Variants in PEAK1 observed in about 807,000 individuals in gnomAD.
The protein encoded by PEAK1 is pseudopodium enriched atypical kinase 1, also known as inactive tyrosine-protein kinase PEAK1.
In PEAK1, 54 loss-of-function variants were observed where a neutral mutation model predicts 124.7. That is an observed-to-expected ratio of 0.43 (90% CI 0.35 to 0.54). The LOEUF (loss-of-function observed/expected upper bound fraction) is 0.54. Among genes scored for constraint, PEAK1 ranks in the 20% least tolerant of loss-of-function variants. The probability of loss-of-function intolerance (pLI) is 0.01; values close to 1 mark genes in which losing one functional copy is unlikely to be tolerated. For synonymous variants in PEAK1, 719 were observed against 760.0 expected, an observed-to-expected ratio of 0.95 and a Z score of 0.89; for missense variants, 2,046 against 2,134.5, an observed-to-expected ratio of 0.96 and a Z score of 0.82.
intron 2 of PEAK1, among the ~76,000 whole-genome samples, chr15:77,314,700 T>C (rs1425758305): frequency 6.6e-6 from 1 of 152,156 alleles, no homozygotes; most frequent in Non-Finnish European, 1.5e-5. Context: ...TGAATAACAG[T>C]AGTCCTCTGG....
At chr15:77,353,059 T>C (rs889401463) in intron 2 of PEAK1, 96 of 919,116 alleles carry the variant, frequency 1.0e-4, no homozygotes, top group Middle Eastern at 5.5e-4. Context: ...CTGAGGCCAA[T>C]TTCCATCCAG....
chr15:77,102,569 A>G (rs1036627106), exon 7 of PEAK1: 2 of 152,140 alleles, frequency 1.3e-5, no homozygotes, highest in Non-Finnish European at 2.9e-5. Flanking sequence ...TTGGATTTGT[A>G]TTAGCTTATA....
intron 2 of PEAK1, among the ~76,000 whole-genome samples, chr15:77,345,253 G>A (rs544801729): frequency 6.6e-6 from 1 of 152,270 alleles, no homozygotes; most frequent in Non-Finnish European, 1.5e-5. Flanking sequence ...GTGAAAGGGT[G>A]TTAAATCTTG....
intron 1 of PEAK1, among the ~76,000 whole-genome samples, chr15:77,374,382 CAG>C (rs376904009): frequency 5.9e-5 from 9 of 152,086 alleles, no homozygotes; most frequent in African/African-American, 1.9e-4. Context: ...AACGTAAAAT[CAG>C]AGTTTATCTT....
intron 1 of PEAK1, among the ~76,000 whole-genome samples, chr15:77,415,915 T>C (rs886187355): frequency 3.9e-5 from 6 of 152,192 alleles, no homozygotes; most frequent in African/African-American, 1.2e-4. Flanking sequence ...TCCAAGATTC[T>C]CTAAATCCCA....
intron 6 of PEAK1, among the ~76,000 whole-genome samples, chr15:77,242,165 T>C (rs2060386679): frequency 6.6e-6 from 1 of 152,144 alleles, no homozygotes; most frequent in Non-Finnish European, 1.5e-5. Flanking sequence ...TTTGCACACA[T>C]CTTTATTTCC....
rs150934980 is a variant in PEAK1 at position 77,400,350 on chromosome 15, A to T, written c.-666+19656T>A. Among the ~76,000 whole-genome samples the T allele has an allele frequency of 5.1e-4, 77 of 152,306 alleles. No homozygotes were observed. In the East Asian group the frequency reaches 0.014, roughly 27 times the overall value. ...CAAAGGAAATCAGTATATCAAAGAC[A>T]TATCTCCACTCCCATGTTTACTGCA... is the stretch of plus-strand genomic sequence containing the variant. On this transcript the variant is annotated intron_variant, in intron 1 of 9. Coordinates refer to ENST00000682557, the MANE Select transcript of PEAK1 (RefSeq NM_001385026.1).
At position 77,313,652 on chromosome 15, in the gene PEAK1, ATGTGTGTGTG is replaced by A. The variant is rs775220459; in HGVS notation, c.-602-27158_-602-27149del. On this transcript the variant is annotated intron_variant, in intron 2 of 9. Coordinates refer to ENST00000682557, the MANE Select transcript of PEAK1 (RefSeq NM_001385026.1). ...CAGTAATGTATGTATGTATGTATGT[ATGTGTGTGTG>A]TGTGTGTGTGTGTGTGTGTGTGTGT... 4.1e-4 allele frequency among the ~76,000 whole-genome samples: 37 copies of A among 90,586 alleles called. No homozygotes were observed. The East Asian group carries it at 7.8e-3, about 19-fold the overall frequency. The allele number at this position is 90,586 out of a possible 152,430, so 59.4% of individuals were successfully genotyped here.
At chr15:77,352,182 G>A in intron 2 of PEAK1, 1 of 982,236 alleles carries the variant, frequency 1.0e-6, no homozygotes, top group Non-Finnish European at 1.2e-6. Context: ...GCAGCCTCCA[G>A]CCTGGGTGAC....
At chr15:77,140,007 CT>C (rs1310855646) in intron 8 of PEAK1, among the ~76,000 whole-genome samples, 1 of 151,916 alleles carries the variant, frequency 6.6e-6, no homozygotes, top group Non-Finnish European at 1.5e-5. Flanking sequence ...ATAACAACTT[CT>C]TGAATGAAGG....
At chr15:77,226,778 C>T (rs1356550530) in intron 6 of PEAK1, among the ~76,000 whole-genome samples, 1 of 152,132 alleles carries the variant, frequency 6.6e-6, no homozygotes, top group African/African-American at 2.4e-5. Flanking sequence ...TTAACATATG[C>T]CAGGCACTTT....
intron 6 of PEAK1, among the ~76,000 whole-genome samples, chr15:77,202,371 T>A (rs1386635427): frequency 6.6e-6 from 1 of 152,188 alleles, no homozygotes; most frequent in Non-Finnish European, 1.5e-5. Flanking sequence ...GCCTTACTCA[T>A]AACATACAGT....
chr15:77,344,667 A>G (rs2066758035), intron 2 of PEAK1, among the ~76,000 whole-genome samples: 2 of 152,362 alleles, frequency 1.3e-5, no homozygotes, highest in South Asian at 4.1e-4. Flanking sequence ...TGACATCTTA[A>G]CAACAGTGTC....
At chr15:77,304,684 G>C (rs1050475426) in intron 2 of PEAK1, among the ~76,000 whole-genome samples, 1 of 151,942 alleles carries the variant, frequency 6.6e-6, no homozygotes, top group African/African-American at 2.4e-5. Flanking sequence ...TCCTGACCTC[G>C]TGATCTGCTG....
intron 2 of PEAK1, chr15:77,346,694 G>C (rs1457417928): frequency 1.9e-5 from 19 of 983,760 alleles, no homozygotes; most frequent in Non-Finnish European, 2.2e-5. Context: ...GTATCTTCCT[G>C]ACTACCAAAA....
At chr15:77,388,939 CCTGT>C (rs976948922) in intron 1 of PEAK1, among the ~76,000 whole-genome samples, 4 of 151,426 alleles carry the variant, frequency 2.6e-5, no homozygotes, top group African/African-American at 4.8e-5. Context: ...CTTCTTTCTG[CCTGT>C]CTACCTTCTT....
chr15:77,417,708 C>T (rs2073002739), intron 1 of PEAK1: 1 of 985,432 alleles, frequency 1.0e-6, no homozygotes, highest in Non-Finnish European at 1.2e-6. Context: ...GCACCCGTTC[C>T]ACTTAAACAG....
chr15:77,367,279 G>A (rs1159581814), intron 1 of PEAK1, among the ~76,000 whole-genome samples: 2 of 152,162 alleles, frequency 1.3e-5, no homozygotes, highest in Non-Finnish European at 2.9e-5. Flanking sequence ...TCTCTGTACT[G>A]TCTACTCAAT....
Position 77,327,896 on chromosome 15 carries a change from A to G in PEAK1, c.-603+37267T>C, listed in dbSNP as rs532861163. ...TTGATAAGCCACATTATGGAAGAAG[A>G]AGGAAAAAAAATAAAAAAACCTTAG... is the stretch of plus-strand genomic sequence containing the variant. On this transcript the variant is annotated intron_variant, in intron 2 of 9. Coordinates refer to ENST00000682557, the MANE Select transcript of PEAK1 (RefSeq NM_001385026.1). Among the ~76,000 whole-genome samples, 10 of 152,230 alleles carry G rather than the reference A, an allele frequency of 6.6e-5. No homozygotes were observed. The Middle Eastern group carries it at 0.01, about 155-fold the overall frequency.
Sources: allele counts gnomAD v4.1 joint callset (sites outside exome capture counted in the v4.1 genomes callset), GRCh38; gene constraint gnomAD v4.1.1; transcripts MANE v1.5; gene names NCBI Gene and HGNC (gene_info 2026-07-23, HGNC 2026-07-21).